The following MTUS2 variants were observed in gnomAD, a reference collection of about 807,000 sequenced individuals.
The protein encoded by MTUS2 is microtubule-associated tumor suppressor candidate 2.
Under a neutral mutation model 114.1 loss-of-function variants are expected in MTUS2, and 40 were observed. That is an observed-to-expected ratio of 0.35 (90% CI 0.27 to 0.46). The LOEUF is 0.46. MTUS2 is among the 20% of genes least tolerant of loss of function. The pLI, the probability that MTUS2 is intolerant of heterozygous loss-of-function variation, is 1.00. For synonymous variants in MTUS2, 688 were observed against 672.0 expected, an observed-to-expected ratio of 1.02 and a Z score of -0.37; for missense variants, 1,679 against 1,705.4, an observed-to-expected ratio of 0.98 and a Z score of 0.27.
At chr13:28,964,955 A>G (rs375797048) in intron 2 of MTUS2, among the ~76,000 whole-genome samples, 17 of 151,932 alleles carry the variant, frequency 1.1e-4, no homozygotes, top group African/African-American at 3.9e-4. Context: ...TGGGGCTCCC[A>G]TTTTAGAAAC....
intron 5 of MTUS2, among the ~76,000 whole-genome samples, chr13:29,114,682 A>T (rs1439501785): frequency 3.3e-5 from 5 of 152,176 alleles, no homozygotes; most frequent in African/African-American, 1.2e-4. Flanking sequence ...ATAAGGAGCC[A>T]TTGGTGCACT....
chr13:28,900,974 A>G (rs185907562), intron 2 of MTUS2, among the ~76,000 whole-genome samples: 67 of 152,312 alleles, frequency 4.4e-4, no homozygotes, highest in African/African-American at 1.6e-3. Flanking sequence ...GCTGTGTTAG[A>G]GAGGCTGTAC....
intron 8 of MTUS2, among the ~76,000 whole-genome samples, chr13:29,430,817 A>G (rs1384668112): frequency 2.0e-5 from 3 of 152,202 alleles, no homozygotes; most frequent in Non-Finnish European, 2.9e-5. Flanking sequence ...TTCCATTCCA[A>G]CTTCAAACTC....
In MTUS2 at chr13:29,270,328, G is replaced by T. The variant is rs369129888; in HGVS notation, c.2645-11376G>T. ...CCCTGAGGTAAAGCACCCCCCTCAG[G>T]AGGAGTCTGGCCCCAAAGGGAGGTC... On this transcript the variant is annotated intron_variant, in intron 5 of 15. Coordinates refer to ENST00000612955, the MANE Select transcript of MTUS2 (RefSeq NM_001033602.4). 4.6e-5 allele frequency among the ~76,000 whole-genome samples: 7 copies of T among 151,420 alleles called. No homozygotes were observed. In the East Asian group the frequency reaches 1.2e-3, roughly 25 times the overall value.
intron 8 of MTUS2, among the ~76,000 whole-genome samples, chr13:29,439,604 A>G (rs1355176994): frequency 6.6e-6 from 1 of 152,242 alleles, no homozygotes; most frequent in Non-Finnish European, 1.5e-5. Context: ...AATATGGCAC[A>G]GACTTTTTTA....
At chr13:29,478,424 A>G (rs1025381629) in intron 9 of MTUS2, among the ~76,000 whole-genome samples, 3 of 152,202 alleles carry the variant, frequency 2.0e-5, no homozygotes, top group African/African-American at 4.8e-5. Flanking sequence ...CAATTATACA[A>G]TAATGTCCTT....
intron 5 of MTUS2, among the ~76,000 whole-genome samples, chr13:29,133,448 TTTGTCCTGTTTTCTTCTA>T (rs1405519706): frequency 2.0e-5 from 3 of 152,188 alleles, no homozygotes; most frequent in Admixed American, 1.3e-4. Context: ...TGGTGAAGCT[TTTGTCCTGTTTTCTTCTA>T]AGAGCTTTAT....
chr13:29,267,092 G>GCTAA (rs1362582757), intron 5 of MTUS2, among the ~76,000 whole-genome samples: 1 of 152,184 alleles, frequency 6.6e-6, no homozygotes, highest in East Asian at 1.9e-4. Context: ...GGCACTAAGG[G>GCTAA]CTAACCTGGT....
intron 4 of MTUS2, 90 bp from the exon 5 acceptor site, chr13:29,100,683 T>G: frequency 2.8e-6 from 4 of 1,405,850 alleles, no homozygotes; most frequent in Non-Finnish European, 3.9e-6. Flanking sequence ...CTGTTTATGA[T>G]AGAACTGGGT....
intron 7 of MTUS2, among the ~76,000 whole-genome samples, chr13:29,357,563 A>C (rs1476689516): frequency 1.3e-5 from 2 of 152,188 alleles, no homozygotes; most frequent in Non-Finnish European, 1.5e-5. Flanking sequence ...TTAGAGTTTA[A>C]TGCAGGCAAT....
chr13:29,134,452 T>G (rs1891890472), intron 5 of MTUS2, among the ~76,000 whole-genome samples: 1 of 152,206 alleles, frequency 6.6e-6, no homozygotes, highest in Admixed American at 6.5e-5. Flanking sequence ...TGTAGGTTAT[T>G]AAGAATGGGG....
intron 2 of MTUS2, among the ~76,000 whole-genome samples, chr13:28,871,426 C>A (rs1013303731): frequency 5.9e-5 from 9 of 151,962 alleles, no homozygotes; most frequent in African/African-American, 2.2e-4. Flanking sequence ...AATAGGGGCT[C>A]ATAGTAATGA....
intron 8 of MTUS2, among the ~76,000 whole-genome samples, chr13:29,366,602 C>CT (rs557279414): frequency 1.6e-3 from 248 of 152,322 alleles, no homozygotes; most frequent in Middle Eastern, 3.4e-3. Flanking sequence ...GCGGCCCACT[C>CT]TAAGCATACC....
At chr13:29,238,888 A>G (rs1577478) in intron 5 of MTUS2, among the ~76,000 whole-genome samples, 124,693 of 152,122 alleles carry the variant, frequency 0.82, 51,146 homozygotes, top group East Asian at 0.89. Flanking sequence ...TCACTTACAT[A>G]TGAAATCCAT....
At chr13:29,075,876 A>G (rs1239268793) in intron 4 of MTUS2, among the ~76,000 whole-genome samples, 1 of 152,206 alleles carries the variant, frequency 6.6e-6, no homozygotes, top group Non-Finnish European at 1.5e-5. Flanking sequence ...CAAACCTCTA[A>G]CAAGTCCTAC....
chr13:29,010,871 G>A (rs1239551948), intron 2 of MTUS2, among the ~76,000 whole-genome samples: 4 of 152,172 alleles, frequency 2.6e-5, no homozygotes, highest in African/African-American at 9.7e-5. Context: ...CCAGCAGTCA[G>A]ATGGTGGAGG....
chr13:29,318,519 A>G (rs1468561388), intron 6 of MTUS2, among the ~76,000 whole-genome samples: 5 of 151,620 alleles, frequency 3.3e-5, no homozygotes, highest in Admixed American at 6.6e-5. Flanking sequence ...GAGTTTCCTC[A>G]TTTTTTAAAA....
At chr13:29,184,265 TA>T (rs2139169867) in intron 5 of MTUS2, among the ~76,000 whole-genome samples, 1 of 152,362 alleles carries the variant, frequency 6.6e-6, no homozygotes, top group South Asian at 2.1e-4. Flanking sequence ...TATAAAACAT[TA>T]CTGTTCCCCA....
At chr13:28,998,333 T>C (rs1885215159) in intron 2 of MTUS2, among the ~76,000 whole-genome samples, 1 of 152,244 alleles carries the variant, frequency 6.6e-6, no homozygotes, top group Non-Finnish European at 1.5e-5. Context: ...ATTTGTTCCT[T>C]CTTTTCAACT....
Sources: allele counts gnomAD v4.1 joint callset (sites outside exome capture counted in the v4.1 genomes callset), GRCh38; gene constraint gnomAD v4.1.1; transcripts MANE v1.5; gene names NCBI Gene and HGNC (gene_info 2026-07-23, HGNC 2026-07-21).